TP53I13: variants seen among roughly 807,000 people sequenced by gnomAD.
TP53I13 encodes tumor protein p53-inducible protein 13.
Under a neutral mutation model 39.1 loss-of-function variants are expected in TP53I13, and 27 were observed. That is an observed-to-expected ratio of 0.69 (90% CI 0.51 to 0.95). The LOEUF is 0.95. TP53I13 is among the 40% of genes least tolerant of loss of function. TP53I13 has a pLI of 0.00. For missense variants in TP53I13, 544 were observed against 520.4 expected (o/e 1.05, Z -0.44); for synonymous variants, 230 against 224.6 (o/e 1.02, Z -0.22).
At chr17:29,567,159 C>T, upstream of TP53I13, 1 of 234,496 alleles carries the variant, frequency 4.3e-6, no homozygotes, top group African/African-American at 2.3e-5. The surrounding 1 kb of genome is among the most constrained non-coding windows in gnomAD (Gnocchi z 6.6). Flanking sequence ...CCCCCACCCC[C>T]GCCCCGGCCC....
At chr17:29,575,475 G>A (rs1567768087), downstream of TP53I13, 2 of 1,597,902 alleles carry the variant, frequency 1.3e-6, no homozygotes, top group Non-Finnish European at 8.5e-7. The surrounding 1 kb of genome is among the most constrained non-coding windows in gnomAD (Gnocchi z 5.5). Context: ...TCCAGCCTGA[G>A]GCCCAGGTCC....
chr17:29,577,028 C>T, downstream of TP53I13: 1 of 1,605,750 alleles, frequency 6.2e-7, no homozygotes, highest in African/African-American at 1.3e-5. Flanking sequence ...TCAGGCCACA[C>T]TCCACCACAC....
At chr17:29,576,302 T>C, downstream of TP53I13, 1 of 1,612,894 alleles carries the variant, frequency 6.2e-7, no homozygotes, top group East Asian at 2.2e-5. Context: ...GCCAGGTTCA[T>C]ACATGGAAAA....
chr17:29,581,396 A>C, the TP53I13 span: 16 of 1,608,808 alleles, frequency 9.9e-6, no homozygotes, highest in Non-Finnish European at 1.3e-5. The surrounding 1 kb of genome is among the most constrained non-coding windows in gnomAD (Gnocchi z 4.8). Flanking sequence ...CAAAAATAAA[A>C]ATGCCAAGTC....
In TP53I13 at chr17:29,571,238, G is replaced by A. The variant is rs555895498; in HGVS notation, c.184-353G>A. On this transcript the variant is annotated intron_variant, in intron 3 of 6. Coordinates refer to ENST00000301057, the MANE Select transcript of TP53I13 (RefSeq NM_138349.4). ...CTTGGGAGACTGTATAGATTGGATCGATGGTCTTCATTTGGGGGTTGCTTA... is the reference window on the plus strand; with the variant it reads ...CTTGGGAGACTGTATAGATTGGATCAATGGTCTTCATTTGGGGGTTGCTTA... 47 of 287,066 alleles carry A rather than the reference G, an allele frequency of 1.6e-4. No homozygotes were observed. The South Asian group carries it at 1.9e-3, about 11-fold the overall frequency. 17.8% of individuals were successfully genotyped at this position (287,066 alleles called of 1,614,324 possible).
chr17:29,577,678 A>C (rs377526257), downstream of TP53I13: 7 of 1,612,660 alleles, frequency 4.3e-6, no homozygotes, highest in Non-Finnish European at 5.9e-6. Context: ...CCGGGTTAAC[A>C]GGCAGGAAGG....
rs1451751731 is a variant in TP53I13, at chr17:29,568,898, T to C, written c.72+68T>C. On this transcript the variant is annotated intron_variant, in intron 1 of 6. Transcript: ENST00000301057. This position sits in a 1 kb window ranked among gnomAD's most constrained non-coding sequence, Gnocchi z 4.5. Reference sequence around the variant, plus strand: ...AAAGCGCTTTGCCAAAAGTTCGTCCTGGAAGGAGTGGCGCGCCGAGGGGGA... The same window carrying C: ...AAAGCGCTTTGCCAAAAGTTCGTCCCGGAAGGAGTGGCGCGCCGAGGGGGA... 44 of 1,598,206 alleles carry C rather than the reference T, an allele frequency of 2.8e-5. 1 individual carries two copies. The Admixed American group carries it at 7.4e-4, about 27-fold the overall frequency.
downstream of TP53I13, chr17:29,575,229 G>T: frequency 1.3e-6 from 2 of 1,566,560 alleles, no homozygotes; most frequent in Non-Finnish European, 1.7e-6. This position sits in a 1 kb window ranked among gnomAD's most constrained non-coding sequence, Gnocchi z 5.5. Context: ...CATGCTCTCT[G>T]CAACACCCTA....
chr17:29,575,030 C>A, downstream of TP53I13: 2 of 1,500,706 alleles, frequency 1.3e-6, no homozygotes, highest in Admixed American at 1.9e-5. This position sits in a 1 kb window ranked among gnomAD's most constrained non-coding sequence, Gnocchi z 5.5. Flanking sequence ...TCCACGCCTG[C>A]CCCAGCTCGA....
chr17:29,573,027 C>A lies in TP53I13; in HGVS notation c.*103C>A. ...GCGGGGCGCTCCCTGGTGGCGATGG[C>A]GCGGCACTGGCCGAGCACTGCGGGG... On this transcript the variant is annotated 3_prime_UTR_variant, in exon 7 of 7. Coordinates refer to ENST00000301057, the MANE Select transcript of TP53I13 (RefSeq NM_138349.4). 1 of 961,898 alleles carries A rather than the reference C, an allele frequency of 1.0e-6. No homozygotes were observed. Among genetic ancestry groups the A allele is most frequent in the Non-Finnish European group, 1.4e-6 (1 of 714,638 alleles). 59.6% of individuals were successfully genotyped at this position (961,898 alleles called of 1,614,324 possible). A position where few individuals can be genotyped will look rare whatever the true frequency, so the allele number is the denominator to read the frequency against.
the TP53I13 span, chr17:29,581,355 G>C: frequency 6.2e-7 from 1 of 1,612,714 alleles, no homozygotes; most frequent in South Asian, 1.1e-5. The surrounding 1 kb of genome is among the most constrained non-coding windows in gnomAD (Gnocchi z 4.8). Context: ...CCATCTGTGG[G>C]ATGATGTAAT....
At chr17:29,581,888 CCCCACCCACCCACACT>C in the TP53I13 span, 1 of 1,605,572 alleles carries the variant, frequency 6.2e-7, no homozygotes, top group Non-Finnish European at 8.5e-7. This position sits in a 1 kb window ranked among gnomAD's most constrained non-coding sequence, Gnocchi z 4.8. Context: ...TCACCCACAC[CCCCACCCACCCACACT>C]GCACCCTTCA....
upstream of TP53I13, chr17:29,566,996 G>A (rs948100873): frequency 2.3e-6 from 3 of 1,279,212 alleles, no homozygotes; most frequent in Non-Finnish European, 2.9e-6. Context: ...GGCGGGCAGC[G>A]GGCGGCGGGG....
chr17:29,579,880 G>A, the TP53I13 span, among the ~76,000 whole-genome samples: 12 of 152,128 alleles, frequency 7.9e-5, no homozygotes, highest in Admixed American at 7.9e-4. Flanking sequence ...CAGCAGAGAT[G>A]ACTTCACACT....
chr17:29,566,757 G>T, upstream of TP53I13: 2 of 1,540,050 alleles, frequency 1.3e-6, no homozygotes. Context: ...AAACAAGGCT[G>T]CACCCTCCCG....
downstream of TP53I13, chr17:29,576,526 C>T (rs748242947): frequency 6.8e-5 from 109 of 1,613,718 alleles, no homozygotes; most frequent in Non-Finnish European, 8.4e-5. Flanking sequence ...CCTCACCTCT[C>T]GCTGCAGCCT....
chr17:29,566,813 C>T, upstream of TP53I13: 1 of 1,514,652 alleles, frequency 6.6e-7, no homozygotes, highest in African/African-American at 1.4e-5. Flanking sequence ...GGGCCTCCGC[C>T]GTCCGCCTCC....
chr17:29,570,577 T>C (rs2032886256), intron 3 of TP53I13: 1 of 152,140 alleles, frequency 6.6e-6, no homozygotes, highest in Non-Finnish European at 1.5e-5. Flanking sequence ...TCAGATTCCT[T>C]TCCTCAAACA....
chr17:29,577,588 A>G, downstream of TP53I13: 1 of 1,126,672 alleles, frequency 8.9e-7, no homozygotes, highest in Non-Finnish European at 1.4e-6. Context: ...CTGCCGGATG[A>G]GGAGGGACCG....
Sources: gnomAD v4.1 joint callset for allele counts (sites outside exome capture counted in the v4.1 genomes callset) on GRCh38, gnomAD v4.1.1 for gene constraint, Gnocchi (gnomAD v3.1) non-coding constraint, MANE v1.5 for transcripts, NCBI Gene and HGNC (gene_info 2026-07-23, HGNC 2026-07-21) for gene names.